The following UPF3B variants were observed in gnomAD, a reference collection of about 807,000 sequenced individuals.
UPF3B encodes regulator of nonsense transcripts 3B.
UPF3B carries 7 observed loss-of-function variants against 40.3 expected under a neutral mutation model. The ratio of observed to expected loss-of-function variants is 0.17; its 90% CI spans 0.10 to 0.33. The LOEUF is 0.33. Ranked by LOEUF, UPF3B falls within the 10% of genes least tolerant of loss-of-function variation. UPF3B has a pLI of 1.00. For missense variants in UPF3B, 229 were observed against 358.9 expected (o/e 0.64, Z 2.93); for synonymous variants, 117 against 117.3 (o/e 1.00, Z 0.01).
At chrX:119,825,386 A>C (rs1175308557) in intron 3 of UPF3B, among the ~76,000 whole-genome samples, 1 of 111,659 alleles carries the variant, frequency 9.0e-6, no homozygotes, top group African/African-American at 3.3e-5. Flanking sequence ...CATGAGGATT[A>C]CAATTCAAGA....
chrX:119,843,161 C>G, intron 5 of UPF3B, 30 bp downstream of exon 5: 1 of 983,785 alleles, frequency 1.0e-6, no homozygotes, highest in Non-Finnish European at 1.5e-6. Context: ...GATGAAAAGA[C>G]TGTTGCCCTG....
At chrX:119,849,227 C>T (rs1479158725) in intron 3 of UPF3B, among the ~76,000 whole-genome samples, 2 of 111,822 alleles carry the variant, frequency 1.8e-5, no homozygotes, top group African/African-American at 6.5e-5. Flanking sequence ...GGCATGGTGG[C>T]TCACGCCTGT....
intron 3 of UPF3B, among the ~76,000 whole-genome samples, chrX:119,823,555 CCTCTTTTTTTT>C (rs1228548348): frequency 1.5e-5 from 1 of 68,922 alleles, no homozygotes; most frequent in Non-Finnish European, 2.5e-5. Context: ...TTCTTTTTTT[CCTCTTTTTTTT>C]TTTTTTTTTT....
chrX:119,837,039 G>A (rs750774016), intron 10 of UPF3B, among the ~76,000 whole-genome samples: 1 of 107,455 alleles, frequency 9.3e-6, no homozygotes, highest in East Asian at 3.0e-4. Context: ...CACCTCCCAG[G>A]TTCAAGTGAT....
intron 4 of UPF3B, among the ~76,000 whole-genome samples, chrX:119,818,306 A>G (rs977311231): frequency 9.0e-6 from 1 of 110,840 alleles, no homozygotes; most frequent in South Asian, 3.8e-4. Context: ...GCTTTAACTG[A>G]AAAGCATCGG....
At chrX:119,840,821 AATCCAACATT>A in intron 7 of UPF3B, 137 bp from the exon 8 acceptor site, 1 of 663,563 alleles carries the variant, frequency 1.5e-6, no homozygotes, top group Non-Finnish European at 2.3e-6. Context: ...ATAGTCTAAA[AATCCAACATT>A]TTCAATGACA....
intron 5 of UPF3B, among the ~76,000 whole-genome samples, chrX:119,810,729 C>T (rs1258874935): frequency 9.0e-6 from 1 of 111,413 alleles, no homozygotes; most frequent in Non-Finnish European, 1.9e-5. Context: ...AATGGGAAAC[C>T]AGTAGGCATT....
intron 8 of UPF3B, among the ~76,000 whole-genome samples, chrX:119,840,330 C>T (rs1277133708): frequency 9.0e-6 from 1 of 110,936 alleles, no homozygotes; most frequent in Admixed American, 9.6e-5. Context: ...GGGTATTTAT[C>T]CCTAGTCCTC....
chrX:119,833,026 C>A (rs1177663191), downstream of UPF3B, among the ~76,000 whole-genome samples: 1 of 111,057 alleles, frequency 9.0e-6, no homozygotes, highest in Admixed American at 9.7e-5. Context: ...AACTAGCTAC[C>A]CCCCACTGCC....
downstream of UPF3B, among the ~76,000 whole-genome samples, chrX:119,832,614 A>G (rs2056048518): frequency 9.0e-6 from 1 of 111,699 alleles, no homozygotes; most frequent in Admixed American, 9.5e-5. Flanking sequence ...TATAGCTGTC[A>G]GCATACACTT....
intron 5 of UPF3B, among the ~76,000 whole-genome samples, chrX:119,811,582 G>A (rs1281335355): frequency 1.9e-5 from 2 of 105,030 alleles, no homozygotes; most frequent in African/African-American, 7.1e-5. Flanking sequence ...GGAGGCAGAG[G>A]TTGCAGTGGG....
chrX:119,842,347 G>A (rs1253653296), intron 5 of UPF3B, among the ~76,000 whole-genome samples: 1 of 111,093 alleles, frequency 9.0e-6, no homozygotes, highest in African/African-American at 3.3e-5. Flanking sequence ...ACTTTCAGAG[G>A]CCAAGGCAGG....
At chrX:119,836,652 A>ATT (rs1189730878) in intron 10 of UPF3B, among the ~76,000 whole-genome samples, 5 of 96,739 alleles carry the variant, frequency 5.2e-5, no homozygotes, top group Admixed American at 1.1e-4. Context: ...ATACTATTCG[A>ATT]TTTTTTTTTT....
rs191728467 is a variant in UPF3B at position 119,828,490 on chromosome X, G to T, written c.392+3162C>A. 2.7e-5 allele frequency among the ~76,000 whole-genome samples: 3 copies of T among 111,120 alleles called. 1 individual carries two copies. In the Admixed American group the frequency reaches 2.9e-4, roughly 11 times the overall value. ...AGTTTGAGACCAGCCTGGGCAACAT[G>T]GGAAAACCGTATCTCTACAAAAAAT... On this transcript the variant is annotated intron_variant, in intron 3 of 6. Transcript: ENST00000636792.
At chrX:119,842,486 G>A (rs1385700298) in intron 5 of UPF3B, among the ~76,000 whole-genome samples, 6 of 108,843 alleles carry the variant, frequency 5.5e-5, no homozygotes, top group African/African-American at 1.0e-4. Flanking sequence ...GGGAGACTGC[G>A]GCAGAATCGC....
downstream of UPF3B, among the ~76,000 whole-genome samples, chrX:119,829,266 C>T (rs187610143): frequency 8.9e-6 from 1 of 111,949 alleles, no homozygotes; most frequent in African/African-American, 3.2e-5. Flanking sequence ...GTGATCTGCC[C>T]GCCTTGGCCT....
intron 3 of UPF3B, among the ~76,000 whole-genome samples, chrX:119,848,329 C>T (rs1362749203): frequency 9.6e-6 from 1 of 103,678 alleles, no homozygotes; most frequent in Non-Finnish European, 2.0e-5. Flanking sequence ...ACACATGCTA[C>T]GACATGGATA....
chrX:119,847,284 TAAA>T (rs1227269146), intron 3 of UPF3B, among the ~76,000 whole-genome samples: 1 of 110,930 alleles, frequency 9.0e-6, no homozygotes, highest in Non-Finnish European at 1.9e-5. Context: ...CCATCTCTAC[TAAA>T]AATACAAAAA....
At chrX:119,841,618 G>T (rs2056162173) in intron 6 of UPF3B, 117 bp downstream of exon 6, 1 of 746,158 alleles carries the variant, frequency 1.3e-6, no homozygotes, top group East Asian at 3.2e-5. Context: ...TCCTTAAAGA[G>T]TAATGGTGGA....
Sources: allele counts gnomAD v4.1 joint callset (sites outside exome capture counted in the v4.1 genomes callset), GRCh38; gene constraint gnomAD v4.1.1; transcripts MANE v1.5; gene names NCBI Gene and HGNC (gene_info 2026-07-23, HGNC 2026-07-21).